KCNMB2: variants seen among roughly 807,000 people sequenced by gnomAD.
The protein encoded by KCNMB2 is calcium-activated potassium channel subunit beta-2.
A neutral mutation model predicts 24.5 loss-of-function variants in KCNMB2; 9 were observed. The observed-to-expected ratio is 0.37, with a 90% confidence interval of 0.22 to 0.64. The LOEUF is 0.64. KCNMB2 is among the 30% of genes least tolerant of loss of function. The pLI is 0.63. For missense variants in KCNMB2, 226 were observed against 284.3 expected, an observed-to-expected ratio of 0.79 and a Z score of 1.47; for synonymous variants, 109 against 104.4, an observed-to-expected ratio of 1.04 and a Z score of -0.27.
chr3:178,738,874 T>C (rs1042353112), intron 1 of KCNMB2, among the ~76,000 whole-genome samples: 2 of 152,128 alleles, frequency 1.3e-5, no homozygotes, highest in African/African-American at 4.8e-5. Flanking sequence ...CACCAAACTG[T>C]AAGTCTAATG....
At chr3:178,583,336 G>T (rs1248425810) in intron 1 of KCNMB2, among the ~76,000 whole-genome samples, 2 of 152,012 alleles carry the variant, frequency 1.3e-5, no homozygotes, top group African/African-American at 4.8e-5. Flanking sequence ...ACTAATCATT[G>T]GTTAAATCTT....
chr3:178,813,341 A>C (rs902511255), intron 2 of KCNMB2, among the ~76,000 whole-genome samples: 1 of 152,106 alleles, frequency 6.6e-6, no homozygotes, highest in African/African-American at 2.4e-5. Flanking sequence ...TCATGATATC[A>C]TTTTGCAATT....
At chr3:178,759,875 T>C (rs1241019819) in intron 1 of KCNMB2, among the ~76,000 whole-genome samples, 1 of 19,808 alleles carries the variant, frequency 5.0e-5, no homozygotes, top group African/African-American at 2.8e-4. Flanking sequence ...AGGATATATC[T>C]ATATATATAT....
At chr3:178,654,843 G>A (rs532702849) in intron 1 of KCNMB2, among the ~76,000 whole-genome samples, 4 of 152,064 alleles carry the variant, frequency 2.6e-5, no homozygotes, top group African/African-American at 4.8e-5. Flanking sequence ...TAAGCTCTAC[G>A]GTCAGCCTGA....
At chr3:178,784,140 T>A (rs1010933546) in intron 1 of KCNMB2, among the ~76,000 whole-genome samples, 1 of 152,200 alleles carries the variant, frequency 6.6e-6, no homozygotes, top group African/African-American at 2.4e-5. Flanking sequence ...TGACAGCAGA[T>A]GTTGGACAAA....
chr3:178,658,189 T>C (rs1219060612), intron 1 of KCNMB2, among the ~76,000 whole-genome samples: 1 of 152,206 alleles, frequency 6.6e-6, no homozygotes, highest in African/African-American at 2.4e-5. Context: ...ACATAGATGA[T>C]GAGAGGGAAG....
At chr3:178,772,111 G>A (rs78203744) in intron 1 of KCNMB2, among the ~76,000 whole-genome samples, 21,394 of 151,892 alleles carry the variant, frequency 0.14, 1,837 homozygotes, top group Admixed American at 0.18. Context: ...CTCCTCCCAC[G>A]TATCTTCTTC....
chr3:178,745,491 A>T (rs911779830), intron 1 of KCNMB2, among the ~76,000 whole-genome samples: 8 of 152,112 alleles, frequency 5.3e-5, no homozygotes, highest in African/African-American at 1.7e-4. Context: ...ACACAGCCAA[A>T]CCATATCATT....
chr3:178,564,607 C>T (rs901672851), intron 1 of KCNMB2, among the ~76,000 whole-genome samples: 1 of 152,130 alleles, frequency 6.6e-6, no homozygotes, highest in African/African-American at 2.4e-5. Context: ...ATTGCCTTAT[C>T]GAATCCCCAT....
At chr3:178,810,503 G>A (rs943774336) in intron 2 of KCNMB2, among the ~76,000 whole-genome samples, 1 of 152,202 alleles carries the variant, frequency 6.6e-6, no homozygotes, top group African/African-American at 2.4e-5. Context: ...GGAAGGAAAA[G>A]TTCACTGAAA....
At chr3:178,817,227 A>ATATATATATATATAT (rs1408060884) in intron 2 of KCNMB2, among the ~76,000 whole-genome samples, 13 of 148,336 alleles carry the variant, frequency 8.8e-5, no homozygotes, top group South Asian at 2.1e-4. Flanking sequence ...ATATATATAT[A>ATATATATATATATAT]AATGAAGTGT....
At chr3:178,820,806 G>A (rs1714594732) in intron 2 of KCNMB2, 1 of 152,144 alleles carries the variant, frequency 6.6e-6, no homozygotes, top group Admixed American at 6.6e-5. Context: ...GTTATACTTG[G>A]ATTTGCCCTG....
At chr3:178,541,077 G>C (rs963832095) in intron 1 of KCNMB2, among the ~76,000 whole-genome samples, 1 of 152,138 alleles carries the variant, frequency 6.6e-6, no homozygotes, top group African/African-American at 2.4e-5. Flanking sequence ...CAGAGTCAGA[G>C]CTCTGTGTCA....
At chr3:178,597,736 C>G (rs1299822214) in intron 1 of KCNMB2, among the ~76,000 whole-genome samples, 1 of 152,120 alleles carries the variant, frequency 6.6e-6, no homozygotes, top group African/African-American at 2.4e-5. Flanking sequence ...AAATGATGTG[C>G]TCCTCACCAT....
chr3:178,786,287 C>G (rs1007830141), intron 1 of KCNMB2, among the ~76,000 whole-genome samples: 3 of 152,084 alleles, frequency 2.0e-5, no homozygotes, highest in African/African-American at 7.2e-5. Context: ...GTCCAGTGAA[C>G]CATATTTTCT....
chr3:178,690,150 T>C (rs1384745250), intron 1 of KCNMB2, among the ~76,000 whole-genome samples: 1 of 152,220 alleles, frequency 6.6e-6, no homozygotes, highest in Non-Finnish European at 1.5e-5. Flanking sequence ...CAAAATAACT[T>C]ATCCTTTGCC....
chr3:178,838,576 A>C (rs1309440609), intron 4 of KCNMB2, among the ~76,000 whole-genome samples: 4 of 152,156 alleles, frequency 2.6e-5, no homozygotes, highest in Non-Finnish European at 5.9e-5. Flanking sequence ...TCAGCAAAAA[A>C]AAAAAAAAAG....
rs1715528806 is a variant in KCNMB2, at chr3:178,844,242, A to AT, written c.*1306dup. Reference sequence around the variant, plus strand: ...TTTAAGTACCTTTTTGTAATGTAGTATCAAAGTTTTTTAGGTAATGCAAAA... The same window carrying AT: ...TTTAAGTACCTTTTTGTAATGTAGTATTCAAAGTTTTTTAGGTAATGCAAAA... On this transcript the variant is annotated 3_prime_UTR_variant, in exon 5 of 5. Transcript: ENST00000452583. 1 of 152,518 alleles carries AT rather than the reference A, an allele frequency of 6.6e-6. No homozygotes were observed. Among genetic ancestry groups the AT allele is most frequent in the Non-Finnish European group, 1.5e-5 (1 of 67,944 alleles). 9.4% of individuals were successfully genotyped at this position (152,518 alleles called of 1,614,324 possible).
chr3:178,641,465 A>T (rs1028030949), intron 1 of KCNMB2, among the ~76,000 whole-genome samples: 4 of 152,072 alleles, frequency 2.6e-5, no homozygotes, highest in Non-Finnish European at 5.9e-5. Context: ...TAAATTTCAA[A>T]TCCATTTGTT....
Sources: gnomAD v4.1 joint callset for allele counts (sites outside exome capture counted in the v4.1 genomes callset) on GRCh38, gnomAD v4.1.1 for gene constraint, MANE v1.5 for transcripts, NCBI Gene and HGNC (gene_info 2026-07-23, HGNC 2026-07-21) for gene names.